PTPRR: variants seen among roughly 807,000 people sequenced by gnomAD.
The protein encoded by PTPRR is receptor-type tyrosine-protein phosphatase R.
In PTPRR, 38 loss-of-function variants were observed where a neutral mutation model predicts 77.2. That is an observed-to-expected ratio of 0.49 (90% CI 0.38 to 0.65). PTPRR has a LOEUF of 0.65. Among genes scored for constraint, PTPRR ranks in the 30% least tolerant of loss-of-function variants. The probability of loss-of-function intolerance (pLI) is 0.00; values close to 1 mark genes in which losing one functional copy is unlikely to be tolerated. For missense variants in PTPRR, 744 were observed against 799.2 expected (o/e 0.93, Z 0.83); for synonymous variants, 299 against 283.1 (o/e 1.06, Z -0.57).
At position 70,761,534 on chromosome 12, in the gene PTPRR, T is replaced by C. The variant is rs1890690877; in HGVS notation, c.564A>G (p.Ser188=). Residue 188 remains serine (S), a synonymous_variant, in exon 4 of 14, where the codon TCA becomes TCG. Transcript: ENST00000283228. The stretch of plus-strand genomic sequence containing the variant: ...TTTGATGCAAAACATTGATATTAAG[T>C]GAACGAAGAACTTCCTCAGAGGGCA... ...DALPSEEVLR[S]LNINVLHQSL... 3 of 1,612,642 alleles carry C rather than the reference T, an allele frequency of 1.9e-6. No individual in the cohort carries two copies. The highest frequency in any genetic ancestry group is 1.3e-5 in the African/African-American group (1 of 75,024).
rs1419032680 is a variant in PTPRR at position 70,892,715 on chromosome 12, T to C, written c.321A>G (p.Glu107=). 1.2e-6 allele frequency: 2 copies of C among 1,613,376 alleles called. No homozygotes were observed. ...LAMDGQDLEV[E]NLPIPAANVI... is the part of the protein sequence containing the mutation. ...CATTTGCTGCTGGGATTGGGAGATT[T>C]TCCACTTCAAGATCTTGACCATCCA... The change falls in exon 2 of 14, where the codon GAA becomes GAG. Residue 107 remains glutamate (E), a synonymous_variant. Coordinates refer to ENST00000283228, the MANE Select transcript of PTPRR (RefSeq NM_002849.4).
intron 4 of PTPRR, chr12:70,754,882 G>T (rs1236202051): frequency 4.9e-6 from 3 of 618,106 alleles, no homozygotes; most frequent in Non-Finnish European, 7.4e-6. Flanking sequence ...AATACATATT[G>T]TTAGAATATC....
intron 13 of PTPRR, among the ~76,000 whole-genome samples, chr12:70,648,838 T>C (rs1886291736): frequency 6.6e-6 from 1 of 151,828 alleles, no homozygotes; most frequent in African/African-American, 2.4e-5. Context: ...AATAAAACAT[T>C]CGTGGGTGCC....
chr12:70,788,694 C>A, intron 2 of PTPRR: 1 of 752,078 alleles, frequency 1.3e-6, no homozygotes, highest in South Asian at 1.5e-5. Flanking sequence ...CACATAAGTT[C>A]TATGCTGACT....
At chr12:70,652,862 C>T (rs1886445679) in intron 13 of PTPRR, among the ~76,000 whole-genome samples, 1 of 152,032 alleles carries the variant, frequency 6.6e-6, no homozygotes. Context: ...AAGTGGAACC[C>T]AAGGTGGAGG....
chr12:70,794,364 T>C (rs910113608), intron 2 of PTPRR, among the ~76,000 whole-genome samples: 1 of 152,122 alleles, frequency 6.6e-6, no homozygotes, highest in African/African-American at 2.4e-5. Context: ...TCTATTTACA[T>C]GAATGACTAA....
intron 2 of PTPRR, among the ~76,000 whole-genome samples, chr12:70,826,578 A>G (rs1892112958): frequency 6.6e-6 from 1 of 152,190 alleles, no homozygotes; most frequent in African/African-American, 2.4e-5. Flanking sequence ...GTTTTCCCCA[A>G]ACAGTTCTAA....
chr12:70,719,569 G>T (rs1326578460), intron 6 of PTPRR, among the ~76,000 whole-genome samples: 1 of 151,920 alleles, frequency 6.6e-6, no homozygotes, highest in Non-Finnish European at 1.5e-5. Context: ...AAAAAATAAT[G>T]AAAATTGCAA....
intron 13 of PTPRR, among the ~76,000 whole-genome samples, chr12:70,644,062 T>C (rs1212883347): frequency 6.9e-6 from 1 of 144,560 alleles, no homozygotes; most frequent in East Asian, 1.9e-4. Flanking sequence ...ATACAGTACC[T>C]GAAAAAAGGC....
At chr12:70,707,744 G>A (rs766540057) in intron 6 of PTPRR, among the ~76,000 whole-genome samples, 3 of 152,090 alleles carry the variant, frequency 2.0e-5, no homozygotes, top group Non-Finnish European at 2.9e-5. Flanking sequence ...GGAGCTCGCT[G>A]ATATTGATGT....
chr12:70,679,394 T>C (rs1350982147), intron 10 of PTPRR, among the ~76,000 whole-genome samples: 1 of 152,190 alleles, frequency 6.6e-6, no homozygotes, highest in Non-Finnish European at 1.5e-5. Context: ...TGTAAATATC[T>C]GTTAGGTCCA....
At chr12:70,789,767 G>A (rs983436444) in intron 2 of PTPRR, among the ~76,000 whole-genome samples, 3 of 152,096 alleles carry the variant, frequency 2.0e-5, no homozygotes, top group Non-Finnish European at 4.4e-5. Flanking sequence ...ACTCTAGGAA[G>A]GTTACAATAA....
intron 2 of PTPRR, among the ~76,000 whole-genome samples, chr12:70,785,527 A>G (rs1188055539): frequency 2.6e-5 from 4 of 152,156 alleles, no homozygotes; most frequent in Non-Finnish European, 5.9e-5. Context: ...TATCCTTATA[A>G]GCTGTTTTTA....
At chr12:70,693,002 C>T (rs1260207896) in intron 8 of PTPRR, among the ~76,000 whole-genome samples, 1 of 152,072 alleles carries the variant, frequency 6.6e-6, no homozygotes, top group Non-Finnish European at 1.5e-5. Flanking sequence ...AGAGTTAAAG[C>T]CCTGTTTTTG....
intron 2 of PTPRR, among the ~76,000 whole-genome samples, chr12:70,874,764 A>G (rs1325451022): frequency 6.6e-6 from 1 of 152,032 alleles, no homozygotes; most frequent in African/African-American, 2.4e-5. Context: ...TCCACTAAAA[A>G]TACAAAAATT....
intron 6 of PTPRR, among the ~76,000 whole-genome samples, chr12:70,724,984 T>C (rs1889384522): frequency 6.6e-6 from 1 of 152,168 alleles, no homozygotes. Flanking sequence ...TAATAAGGGC[T>C]GGAGAAATAT....
At chr12:70,724,890 CTTTATT>C (rs1299239773) in intron 6 of PTPRR, among the ~76,000 whole-genome samples, 4 of 151,864 alleles carry the variant, frequency 2.6e-5, no homozygotes, top group Non-Finnish European at 4.4e-5. Context: ...AGGAAATAAT[CTTTATT>C]TTTGTTTTTG....
At chr12:70,655,906 A>G (rs1886558233) in intron 13 of PTPRR, among the ~76,000 whole-genome samples, 1 of 152,186 alleles carries the variant, frequency 6.6e-6, no homozygotes, top group Non-Finnish European at 1.5e-5. Context: ...CAATTTAATA[A>G]AAGGATTAAA....
intron 6 of PTPRR, among the ~76,000 whole-genome samples, chr12:70,711,202 T>G (rs1405585624): frequency 1.3e-5 from 2 of 152,134 alleles, no homozygotes; most frequent in African/African-American, 4.8e-5. Flanking sequence ...TGTAATACTA[T>G]GCAGCCATAA....
Sources: gnomAD v4.1 joint callset for allele counts (sites outside exome capture counted in the v4.1 genomes callset) on GRCh38, gnomAD v4.1.1 for gene constraint, MANE v1.5 for transcripts, NCBI Gene and HGNC (gene_info 2026-07-23, HGNC 2026-07-21) for gene names.